Variants in RUNX3 observed in about 807,000 individuals in gnomAD.
RUNX3 encodes the protein RUNX family transcription factor 3.
A neutral mutation model predicts 27.7 loss-of-function variants in RUNX3; 10 were observed. That is an observed-to-expected ratio of 0.36 (90% CI 0.22 to 0.61). The LOEUF (loss-of-function observed/expected upper bound fraction) is 0.61, where lower values mean the gene tolerates loss of function less well. Ranked by LOEUF, RUNX3 falls within the 20% of genes least tolerant of loss-of-function variation. RUNX3 has a pLI of 0.72. For missense variants in RUNX3, 469 were observed against 629.5 expected (o/e 0.75, Z 2.73); for synonymous variants, 270 against 269.2 (o/e 1.00, Z -0.03).
At chr1:24,938,039 G>T (rs926602751) in intron 2 of RUNX3, among the ~76,000 whole-genome samples, 3 of 152,188 alleles carry the variant, frequency 2.0e-5, no homozygotes, top group South Asian at 4.1e-4. Context: ...GTTGGATCTG[G>T]CACCTTGATA....
rs1640592494 is a variant in RUNX3 at position 24,902,980 on chromosome 1, G to A, written c.704-314C>T. On this transcript the variant is annotated intron_variant, in intron 4 of 4. Coordinates refer to ENST00000308873, the MANE Select transcript of RUNX3 (RefSeq NM_004350.3). The surrounding 1 kb of genome is among the most constrained non-coding windows in gnomAD (Gnocchi z 9.2). Reference sequence around the variant, plus strand: ...TCCTTCCCAGCCTCGCAGAGGAGAGGCCTAGGATGCGGTGGTGGGGCTGAG... The same window carrying A: ...TCCTTCCCAGCCTCGCAGAGGAGAGACCTAGGATGCGGTGGTGGGGCTGAG... Among the ~76,000 whole-genome samples, 1 of 152,210 alleles carries A rather than the reference G, an allele frequency of 6.6e-6. No individual in the cohort carries two copies. The highest frequency in any genetic ancestry group is 2.4e-5 in the African/African-American group (1 of 41,464).
intron 1 of RUNX3, 135 bp downstream of exon 1, chr1:24,929,452 T>G: frequency 1.1e-6 from 1 of 904,356 alleles, no homozygotes. Flanking sequence ...GCAGCCAGAC[T>G]GAACCGGGTG....
intron 3 of RUNX3, among the ~76,000 whole-genome samples, chr1:24,918,751 G>A (rs1046652125): frequency 1.3e-5 from 2 of 152,112 alleles, no homozygotes; most frequent in Non-Finnish European, 2.9e-5. Flanking sequence ...TGGGTGCCCG[G>A]ACTCTGGGTG....
intron 3 of RUNX3, among the ~76,000 whole-genome samples, chr1:24,913,766 C>G (rs765563219): frequency 1.2e-4 from 18 of 152,216 alleles, no homozygotes; most frequent in Admixed American, 9.2e-4. Flanking sequence ...CCTTCCCCAC[C>G]ACCAGCCTGG....
In RUNX3 at chr1:24,901,810, A is replaced by T; in HGVS notation, c.*312T>A. ...ATGGGTCCCATGCAGCACTGGGCATAGCTGGAGACAGTGAGGTCCTTCCGG... is the reference window on the plus strand; with the variant it reads ...ATGGGTCCCATGCAGCACTGGGCATTGCTGGAGACAGTGAGGTCCTTCCGG... On this transcript the variant is annotated 3_prime_UTR_variant, in exon 5 of 5. Transcript: ENST00000308873. 1 of 373,006 alleles carries T rather than the reference A, an allele frequency of 2.7e-6. No homozygotes were observed. The highest frequency in any genetic ancestry group is 4.6e-5 in the East Asian group (1 of 21,942). 23.1% of individuals were successfully genotyped at this position (373,006 alleles called of 1,614,324 possible). A position where few individuals can be genotyped will look rare whatever the true frequency, so the allele number is the denominator to read the frequency against.
intron 2 of RUNX3, among the ~76,000 whole-genome samples, chr1:24,956,634 C>T (rs575432302): frequency 2.2e-4 from 33 of 152,266 alleles, no homozygotes; most frequent in African/African-American, 2.9e-4. Flanking sequence ...GGGGGAGGTA[C>T]GTCAGCAGGC....
chr1:24,907,807 A>G (rs1037822763), intron 3 of RUNX3, among the ~76,000 whole-genome samples: 37 of 151,636 alleles, frequency 2.4e-4, no homozygotes, highest in Admixed American at 2.3e-3. Flanking sequence ...CCAAACCTCT[A>G]CAACACACGG....
intron 3 of RUNX3, among the ~76,000 whole-genome samples, chr1:24,914,538 CGGGG>C (rs1454224504): frequency 6.6e-6 from 1 of 152,146 alleles, no homozygotes; most frequent in Non-Finnish European, 1.5e-5. Flanking sequence ...ACGGGCTGGC[CGGGG>C]GCCAGCGGGC....
At chr1:24,909,796 T>G (rs1049317376) in intron 3 of RUNX3, among the ~76,000 whole-genome samples, 1 of 152,218 alleles carries the variant, frequency 6.6e-6, no homozygotes, top group African/African-American at 2.4e-5. Context: ...GACTGTGCAC[T>G]CCAGGGTTCG....
At chr1:24,947,763 T>C (rs1641647749) in intron 2 of RUNX3, among the ~76,000 whole-genome samples, 1 of 152,190 alleles carries the variant, frequency 6.6e-6, no homozygotes, top group South Asian at 2.1e-4. Flanking sequence ...TGGAGTTCCC[T>C]GAATCCTTCT....
At chr1:24,939,859 A>G (rs1259592972) in intron 2 of RUNX3, among the ~76,000 whole-genome samples, 1 of 152,236 alleles carries the variant, frequency 6.6e-6, no homozygotes, top group Admixed American at 6.5e-5. Context: ...GTGGAAGGGC[A>G]GGGCACTAGC....
At position 24,927,061 on chromosome 1, in the gene RUNX3, G is replaced by A. The variant is rs558981205; in HGVS notation, c.439+513C>T. On this transcript the variant is annotated intron_variant, in intron 2 of 4. Coordinates refer to ENST00000308873, the MANE Select transcript of RUNX3 (RefSeq NM_004350.3). The surrounding 1 kb of genome is among the most constrained non-coding windows in gnomAD (Gnocchi z 5.0). ...CCAACATTCAGCTGCGTTAGCTTCC[G>A]TTCTAGACCACCTAGGGCTCAAAGG... 1.2e-4 allele frequency among the ~76,000 whole-genome samples: 19 copies of A among 152,270 alleles called. No homozygotes were observed. The East Asian group carries it at 2.7e-3, about 22-fold the overall frequency.
chr1:24,912,614 C>T (rs1477619046), intron 3 of RUNX3, among the ~76,000 whole-genome samples: 1 of 151,990 alleles, frequency 6.6e-6, no homozygotes, highest in African/African-American at 2.4e-5. Context: ...GTGCTTCCTC[C>T]ACGGCAGCGT....
At chr1:24,963,648 C>G (rs1007845402) in intron 2 of RUNX3, among the ~76,000 whole-genome samples, 1 of 152,186 alleles carries the variant, frequency 6.6e-6, no homozygotes, top group African/African-American at 2.4e-5. Context: ...TCTTGATCCC[C>G]AGTCTCAGGT....
chr1:24,933,726 C>T (rs150548788), upstream of RUNX3, among the ~76,000 whole-genome samples: 788 of 152,350 alleles, frequency 5.2e-3, 3 homozygotes, highest in African/African-American at 0.018. Context: ...CGCCCCCAGC[C>T]GGCCGCCCTC....
intron 3 of RUNX3, 74 bp from the exon 4 acceptor site, chr1:24,907,491 TG>T: frequency 6.8e-7 from 1 of 1,460,852 alleles, no homozygotes; most frequent in Admixed American, 2.1e-5. Flanking sequence ...CTCACTCTGC[TG>T]GGAAGTTCTT....
intron 2 of RUNX3, among the ~76,000 whole-genome samples, chr1:24,960,386 C>T (rs757799444): frequency 8.5e-5 from 13 of 152,298 alleles, no homozygotes; most frequent in East Asian, 3.9e-4. Context: ...ATGCAGGTGA[C>T]GGCAGAGGGC....
Position 24,927,428 on chromosome 1 carries a change from T to C in RUNX3, c.439+146A>G, listed in dbSNP as rs1176770536. 1.4e-6 allele frequency: 1 copy of C among 738,496 alleles called. No individual in the cohort carries two copies. Among genetic ancestry groups the C allele is most frequent in the Non-Finnish European group, 2.3e-6 (1 of 432,454 alleles). 45.7% of individuals were successfully genotyped at this position (738,496 alleles called of 1,614,324 possible). On this transcript the variant is annotated intron_variant, in intron 2 of 4. Coordinates refer to ENST00000308873, the MANE Select transcript of RUNX3 (RefSeq NM_004350.3). This position sits in a 1 kb window ranked among gnomAD's most constrained non-coding sequence, Gnocchi z 5.0. Reference sequence around the variant, plus strand: ...CACCTCCTCAAAGCGATCTGTAATATCCTACAGGATTACAAATTGCTGTTT... The same window carrying C: ...CACCTCCTCAAAGCGATCTGTAATACCCTACAGGATTACAAATTGCTGTTT...
chr1:24,903,116 G>A (rs1014436273), intron 4 of RUNX3, among the ~76,000 whole-genome samples: 5 of 152,214 alleles, frequency 3.3e-5, no homozygotes, highest in Admixed American at 1.3e-4. Context: ...TCCAATGACC[G>A]TGTGAGACTG....
Sources: gnomAD v4.1 joint callset for allele counts (sites outside exome capture counted in the v4.1 genomes callset) on GRCh38, gnomAD v4.1.1 for gene constraint, Gnocchi (gnomAD v3.1) non-coding constraint, MANE v1.5 for transcripts, NCBI Gene and HGNC (gene_info 2026-07-23, HGNC 2026-07-21) for gene names.